Variants in PPARGC1A observed in about 807,000 individuals in gnomAD.
The protein encoded by PPARGC1A is peroxisome proliferator-activated receptor gamma coactivator 1-alpha.
In PPARGC1A, 25 loss-of-function variants were observed where a neutral mutation model predicts 88.7. That is an observed-to-expected ratio of 0.28 (90% CI 0.21 to 0.39). The LOEUF is 0.39. Among genes scored for constraint, PPARGC1A ranks in the 10% least tolerant of loss-of-function variants. The pLI, the probability that PPARGC1A is intolerant of heterozygous loss-of-function variation, is 1.00. For synonymous variants in PPARGC1A, 363 were observed against 355.6 expected (o/e 1.02, Z -0.24); for missense variants, 880 against 968.7 (o/e 0.91, Z 1.22).
chr4:23,875,004 C>T (rs1023145040), intron 2 of PPARGC1A, among the ~76,000 whole-genome samples: 6 of 152,220 alleles, frequency 3.9e-5, no homozygotes, highest in Admixed American at 3.9e-4. Context: ...CACAGAGGTG[C>T]TATTTGGAAC....
At chr4:23,898,049 G>A (rs1310872932) in intron 1 of PPARGC1A, among the ~76,000 whole-genome samples, 1 of 152,124 alleles carries the variant, frequency 6.6e-6, no homozygotes, top group African/African-American at 2.4e-5. Flanking sequence ...TAAGAATAAG[G>A]TCTACAGCAG....
At chr4:24,333,940 C>CAACAAAAAAAAAAAAAAAAAAAAAAA in the PPARGC1A span, among the ~76,000 whole-genome samples, 1 of 13,830 alleles carries the variant, frequency 7.2e-5, no homozygotes, top group Non-Finnish European at 1.5e-4. Context: ...ACAACAACAA[C>CAACAAAAAAAAAAAAAAAAAAAAAAA]AAAAAAAAAA....
At chr4:24,224,599 T>C in the PPARGC1A span, among the ~76,000 whole-genome samples, 1 of 152,168 alleles carries the variant, frequency 6.6e-6, no homozygotes, top group Admixed American at 6.5e-5. Flanking sequence ...GGCAATTGTC[T>C]AGACAAGGTA....
the PPARGC1A span, among the ~76,000 whole-genome samples, chr4:24,407,643 G>A: frequency 1.3e-5 from 2 of 152,262 alleles, no homozygotes; most frequent in African/African-American, 4.8e-5. Context: ...CAGGAATCCT[G>A]GAAACAAGAA....
the PPARGC1A span, among the ~76,000 whole-genome samples, chr4:23,954,477 G>A: frequency 6.6e-6 from 1 of 151,950 alleles, no homozygotes; most frequent in African/African-American, 2.4e-5. Context: ...ACAACTCAAG[G>A]TCTTCCAGAA....
the PPARGC1A span, among the ~76,000 whole-genome samples, chr4:24,115,790 T>G: frequency 1.3e-5 from 2 of 152,136 alleles, no homozygotes; most frequent in Admixed American, 1.3e-4. Context: ...CAGCTCAGCC[T>G]CCCTTTGGTC....
the PPARGC1A span, among the ~76,000 whole-genome samples, chr4:24,179,090 T>C: frequency 6.6e-6 from 1 of 152,168 alleles, no homozygotes; most frequent in Non-Finnish European, 1.5e-5. Flanking sequence ...CATCTCTTTA[T>C]GAGTTAAGTT....
chr4:23,913,267 TAGAG>T, the PPARGC1A span, among the ~76,000 whole-genome samples: 12,928 of 75,446 alleles, frequency 0.17, 800 homozygotes, highest in East Asian at 0.39. Context: ...TATATATATA[TAGAG>T]AGAGAGAGAG....
At chr4:24,204,926 C>T in the PPARGC1A span, among the ~76,000 whole-genome samples, 1 of 152,126 alleles carries the variant, frequency 6.6e-6, no homozygotes, top group South Asian at 2.1e-4. Context: ...CGGGTCCAAG[C>T]AATTCTCAGT....
the PPARGC1A span, among the ~76,000 whole-genome samples, chr4:24,132,154 AGAG>A: frequency 6.6e-6 from 1 of 152,178 alleles, no homozygotes; most frequent in African/African-American, 2.4e-5. Flanking sequence ...GTTTTGAAAT[AGAG>A]GAGATTGAGG....
At chr4:24,252,790 C>T in the PPARGC1A span, among the ~76,000 whole-genome samples, 1 of 152,312 alleles carries the variant, frequency 6.6e-6, no homozygotes, top group East Asian at 1.9e-4. Context: ...CAAATGTTAT[C>T]ATCGTTTTGT....
At chr4:23,917,813 T>C in the PPARGC1A span, among the ~76,000 whole-genome samples, 2 of 152,228 alleles carry the variant, frequency 1.3e-5, no homozygotes, top group African/African-American at 2.4e-5. Context: ...TGCCATATTA[T>C]TTCTGGTAGG....
chr4:24,327,478 G>A, the PPARGC1A span, among the ~76,000 whole-genome samples: 1 of 152,142 alleles, frequency 6.6e-6, no homozygotes, highest in Non-Finnish European at 1.5e-5. Flanking sequence ...TCTCTAATTA[G>A]ATGTCCTAGG....
the PPARGC1A span, among the ~76,000 whole-genome samples, chr4:24,052,930 C>T: frequency 8.6e-6 from 1 of 115,810 alleles, no homozygotes; most frequent in Non-Finnish European, 1.6e-5. Flanking sequence ...GTGGTGCTAT[C>T]TTGGCTCACT....
At chr4:23,891,477 C>T (rs1005807883), upstream of PPARGC1A, among the ~76,000 whole-genome samples, 10 of 152,064 alleles carry the variant, frequency 6.6e-5, no homozygotes, top group Admixed American at 1.3e-4. Context: ...TGGTTATTTG[C>T]CCTAACACAT....
At chr4:23,986,257 T>C in the PPARGC1A span, among the ~76,000 whole-genome samples, 1 of 152,066 alleles carries the variant, frequency 6.6e-6, no homozygotes, top group Non-Finnish European at 1.5e-5. Context: ...CTCTGAAATA[T>C]TTACATATAC....
At chr4:24,097,297 A>T in the PPARGC1A span, among the ~76,000 whole-genome samples, 1 of 152,172 alleles carries the variant, frequency 6.6e-6, no homozygotes, top group East Asian at 1.9e-4. Context: ...GCAGGAGGAT[A>T]TTGAGAAAAT....
the PPARGC1A span, among the ~76,000 whole-genome samples, chr4:24,086,934 T>A: frequency 1.3e-5 from 2 of 152,328 alleles, no homozygotes; most frequent in African/African-American, 2.4e-5. Context: ...ACTTTACCAA[T>A]GTTACACAGT....
At chr4:23,848,931 C>G (rs1403449331) in intron 2 of PPARGC1A, among the ~76,000 whole-genome samples, 2 of 152,046 alleles carry the variant, frequency 1.3e-5, no homozygotes, top group African/African-American at 4.8e-5. Context: ...ATCACGAGGT[C>G]AGGAGATCAA....
Sources: allele counts gnomAD v4.1 joint callset (sites outside exome capture counted in the v4.1 genomes callset), GRCh38; gene constraint gnomAD v4.1.1; transcripts MANE v1.5; gene names NCBI Gene and HGNC (gene_info 2026-07-23, HGNC 2026-07-21).